Variants in RBFOX1 observed in about 807,000 individuals in gnomAD.
RBFOX1 encodes the protein RNA binding protein fox-1 homolog 1.
RBFOX1 carries 8 observed loss-of-function variants against 57.7 expected under a neutral mutation model. The observed-to-expected ratio is 0.14, with a 90% CI of 0.08 to 0.25. RBFOX1 has a LOEUF of 0.25. Ranked by LOEUF, RBFOX1 falls within the 10% of genes least tolerant of loss-of-function variation. The pLI, the probability that RBFOX1 is intolerant of heterozygous loss-of-function variation, is 1.00. For missense variants in RBFOX1, 611 were observed against 548.5 expected, an observed-to-expected ratio of 1.11 and a Z score of -1.14; for synonymous variants, 326 against 222.4, an observed-to-expected ratio of 1.47 and a Z score of -4.15.
intron 3 of RBFOX1, among the ~76,000 whole-genome samples, chr16:6,757,315 G>C (rs932358544): frequency 6.6e-6 from 1 of 152,108 alleles, no homozygotes; most frequent in Admixed American, 6.5e-5. Context: ...CCAGAGGAAA[G>C]AAAATCAATA....
At chr16:7,110,427 C>T (rs182108283) in intron 4 of RBFOX1, among the ~76,000 whole-genome samples, 1 of 152,032 alleles carries the variant, frequency 6.6e-6, no homozygotes, top group African/African-American at 2.4e-5. Flanking sequence ...AATTTGCTTG[C>T]AAAACACAGC....
At chr16:6,920,568 A>G (rs2074247808) in intron 3 of RBFOX1, among the ~76,000 whole-genome samples, 1 of 152,218 alleles carries the variant, frequency 6.6e-6, no homozygotes, top group African/African-American at 2.4e-5. Flanking sequence ...ACAGAAATTT[A>G]TTCCATTACT....
At chr16:7,541,051 T>G (rs1466080086) in intron 5 of RBFOX1, among the ~76,000 whole-genome samples, 1 of 152,166 alleles carries the variant, frequency 6.6e-6, no homozygotes, top group Admixed American at 6.5e-5. Context: ...ATGTTTCCTT[T>G]TAGAAGCACC....
chr16:6,844,039 C>G (rs1011150345), intron 3 of RBFOX1, among the ~76,000 whole-genome samples: 2 of 151,938 alleles, frequency 1.3e-5, no homozygotes, highest in Non-Finnish European at 2.9e-5. Flanking sequence ...AATCCATTTT[C>G]TTTCTCTCTC....
chr16:6,693,773 A>G (rs929218680), intron 3 of RBFOX1, among the ~76,000 whole-genome samples: 1 of 151,552 alleles, frequency 6.6e-6, no homozygotes, highest in Non-Finnish European at 1.5e-5. Context: ...CATTAGCAAC[A>G]TCATCTTCCT....
At chr16:7,040,920 T>G (rs2045938549) in intron 3 of RBFOX1, among the ~76,000 whole-genome samples, 1 of 69,164 alleles carries the variant, frequency 1.4e-5, no homozygotes, top group Non-Finnish European at 2.4e-5. Context: ...GTTTTTTTGT[T>G]TTTTTGCTGG....
intron 1 of RBFOX1, among the ~76,000 whole-genome samples, chr16:6,178,628 G>A (rs549411154): frequency 2.6e-5 from 4 of 152,242 alleles, no homozygotes; most frequent in African/African-American, 7.2e-5. Context: ...TGTTACTCTT[G>A]TATTAATCCC....
chr16:5,259,028 C>T (rs535050481), intron 1 of RBFOX1, among the ~76,000 whole-genome samples: 1 of 152,272 alleles, frequency 6.6e-6, no homozygotes, highest in African/African-American at 2.4e-5. Flanking sequence ...GGGTGACCTT[C>T]AGCGCAGGTT....
intron 1 of RBFOX1, among the ~76,000 whole-genome samples, chr16:6,064,420 T>C (rs2095731110): frequency 6.6e-6 from 1 of 152,184 alleles, no homozygotes; most frequent in Non-Finnish European, 1.5e-5. Flanking sequence ...GTGAATAATT[T>C]CATTAAATTT....
intron 11 of RBFOX1, among the ~76,000 whole-genome samples, chr16:7,650,210 A>C (rs1029938231): frequency 6.6e-6 from 1 of 152,170 alleles, no homozygotes; most frequent in Admixed American, 6.5e-5. Flanking sequence ...GCCCTAGATT[A>C]ACAAGAAAGA....
At chr16:6,682,870 TAA>T (rs33948007) in intron 3 of RBFOX1, among the ~76,000 whole-genome samples, 8 of 115,804 alleles carry the variant, frequency 6.9e-5, no homozygotes, top group African/African-American at 1.5e-4. Flanking sequence ...AGAAAAGAAT[TAA>T]AAAAAAAAAA....
intron 1 of RBFOX1, among the ~76,000 whole-genome samples, chr16:5,396,314 A>G (rs186637109): frequency 1.3e-5 from 2 of 152,280 alleles, no homozygotes. Context: ...TGTAGTAGTG[A>G]ATCAAGATGG....
At chr16:7,094,743 G>GCT (rs1689089241) in intron 4 of RBFOX1, among the ~76,000 whole-genome samples, 1 of 27,464 alleles carries the variant, frequency 3.6e-5, no homozygotes, top group African/African-American at 1.2e-4. Flanking sequence ...AGACTGTACA[G>GCT]CTGTGTGTGT....
intron 4 of RBFOX1, chr16:7,304,070 A>T: frequency 5.2e-6 from 2 of 386,626 alleles, no homozygotes; most frequent in Non-Finnish European, 7.1e-6. Context: ...ACTAGTTTCC[A>T]GGTCCCCGCA....
chr16:6,343,135 AC>A (rs1240071864), intron 2 of RBFOX1, among the ~76,000 whole-genome samples: 2 of 151,970 alleles, frequency 1.3e-5, no homozygotes, highest in Non-Finnish European at 2.9e-5. Context: ...TATTTCTTAT[AC>A]CCCTCTTCCT....
chr16:6,986,680 C>A (rs1373678072), intron 3 of RBFOX1, among the ~76,000 whole-genome samples: 1 of 152,120 alleles, frequency 6.6e-6, no homozygotes, highest in East Asian at 1.9e-4. Flanking sequence ...TCTCCCTCCC[C>A]TTCTCTCTCT....
At chr16:5,907,556 A>G (rs1346972375) in intron 4 of RBFOX1, among the ~76,000 whole-genome samples, 1 of 152,068 alleles carries the variant, frequency 6.6e-6, no homozygotes, top group Non-Finnish European at 1.5e-5. Flanking sequence ...TTACGTGCTT[A>G]TATTTACTGA....
At position 6,130,024 on chromosome 16, in the gene RBFOX1, A is replaced by C. The variant is rs2096618793; in HGVS notation, c.-127+110032A>C. Among the ~76,000 whole-genome samples, 2 of 152,152 alleles carry C rather than the reference A, an allele frequency of 1.3e-5. 1 individual carries two copies. Among genetic ancestry groups the C allele is most frequent in the South Asian group, 4.1e-4 (2 of 4,834 alleles). The stretch of plus-strand genomic sequence containing the variant: ...AATGTGTCAGCAGCACAAGAAATGC[A>C]AGGGACATGATCAAATATGAAAGGA... On this transcript the variant is annotated intron_variant, in intron 1 of 15. Transcript: ENST00000550418.
chr16:7,392,331 G>C (rs2098045214), intron 4 of RBFOX1, among the ~76,000 whole-genome samples: 1 of 152,080 alleles, frequency 6.6e-6, no homozygotes, highest in South Asian at 2.1e-4. Context: ...AAATTATAAT[G>C]AATATATGTT....
Sources: allele counts gnomAD v4.1 joint callset (sites outside exome capture counted in the v4.1 genomes callset), GRCh38; gene constraint gnomAD v4.1.1; transcripts MANE v1.5; gene names NCBI Gene and HGNC (gene_info 2026-07-23, HGNC 2026-07-21).